TP53I3: variants seen among roughly 807,000 people sequenced by gnomAD.
TP53I3 encodes quinone oxidoreductase PIG3.
Under a neutral mutation model 27.7 loss-of-function variants are expected in TP53I3, and 32 were observed. The ratio of observed to expected loss-of-function variants is 1.16; its 90% CI spans 0.87 to 1.55. The LOEUF is 1.55. Ranked by LOEUF, TP53I3 falls within the 40% of genes most tolerant of loss-of-function variation. The pLI is 0.00. For synonymous variants in TP53I3, 138 were observed against 167.8 expected (o/e 0.82, Z 1.37); for missense variants, 372 against 412.3 (o/e 0.90, Z 0.85).
At position 24,084,441 on chromosome 2, in the gene TP53I3, C is replaced by A. The variant is rs922160777; in HGVS notation, c.-115G>T. 3 of 1,328,542 alleles carry A rather than the reference C, an allele frequency of 2.3e-6. No individual in the cohort carries two copies. Among genetic ancestry groups the A allele is most frequent in the African/African-American group, 3.0e-5 (2 of 66,078 alleles). 82.3% of individuals were successfully genotyped at this position (1,328,542 alleles called of 1,614,324 possible). ...CAGGGGCCGCTGTATCCTCGCGGAG[C>A]AGCCCAGCCTCAGGCTGGCACCGCA... is the stretch of plus-strand genomic sequence containing the variant. On this transcript the variant is annotated 5_prime_UTR_variant, in exon 1 of 5. Coordinates refer to ENST00000238721, the MANE Select transcript of TP53I3 (RefSeq NM_004881.5). This position sits in a 1 kb window ranked among gnomAD's most constrained non-coding sequence, Gnocchi z 8.4.
At chr2:24,079,726 A>G (rs1305456943) in intron 3 of TP53I3, 86 bp from the exon 4 acceptor site, 2 of 1,309,768 alleles carry the variant, frequency 1.5e-6, no homozygotes, top group Non-Finnish European at 2.1e-6. Flanking sequence ...GGATATAAAT[A>G]CAGATGCAAG....
rs1234455430 is a variant in TP53I3, at chr2:24,077,954, T to A, written c.817-193A>T. ...ATGTGCCATCTCAGAATATGTCCGA[T>A]AGGTATATTGTTAATTTTGAGGTGA... is the stretch of plus-strand genomic sequence containing the variant. On this transcript the variant is annotated intron_variant, in intron 4 of 4. Coordinates refer to ENST00000238721, the MANE Select transcript of TP53I3 (RefSeq NM_004881.5). The surrounding 1 kb of genome is among the most constrained non-coding windows in gnomAD (Gnocchi z 5.5). Among the ~76,000 whole-genome samples, 1 of 152,176 alleles carries A rather than the reference T, an allele frequency of 6.6e-6. No individual in the cohort carries two copies. The highest frequency in any genetic ancestry group is 1.9e-4 in the East Asian group (1 of 5,198).
At chr2:24,081,954 C>T (rs1195060358) in intron 2 of TP53I3, among the ~76,000 whole-genome samples, 1 of 151,784 alleles carries the variant, frequency 6.6e-6, no homozygotes, top group Non-Finnish European at 1.5e-5. Context: ...CTCAGCCGCC[C>T]AAAGTGCTGG....
In TP53I3 at chr2:24,083,118, C is replaced by A; in HGVS notation, c.173G>T (p.Ser58Ile). The change falls in exon 2 of 5, where the codon AGC becomes ATC. Residue 58 changes from serine to isoleucine, a missense_variant. Transcript: ENST00000238721. ...QGQYDPPPGASNILGLEASGH... is the reference protein window; with the variant it reads ...QGQYDPPPGAINILGLEASGH... ...AGATGCCTCAAGTCCCAAAATGTTG[C>A]TGGCTCCTGGAGGTGGGTCATACTG... 6.2e-7 allele frequency: 1 copy of A among 1,613,510 alleles called. No individual in the cohort carries two copies. The highest frequency in any genetic ancestry group is 8.5e-7 in the Non-Finnish European group (1 of 1,179,608).
At chr2:24,083,243 T>C in intron 1 of TP53I3, 91 bp from the exon 2 acceptor site, 1 of 1,472,754 alleles carries the variant, frequency 6.8e-7, no homozygotes, top group Non-Finnish European at 9.1e-7. Flanking sequence ...CCCTCTTTTT[T>C]TTTTCAAAAA....
chr2:24,083,229 G>T, intron 1 of TP53I3, 77 bp from the exon 2 acceptor site: 4 of 1,469,616 alleles, frequency 2.7e-6, no homozygotes, highest in Non-Finnish European at 3.6e-6. Context: ...CCCCTTCCAA[G>T]ATCCCCTCTT....
chr2:24,082,356 A>G (rs1364690090), intron 2 of TP53I3, among the ~76,000 whole-genome samples: 2 of 152,086 alleles, frequency 1.3e-5, no homozygotes, highest in Non-Finnish European at 2.9e-5. Flanking sequence ...AAGCCTTCCA[A>G]AAAGCCTTCT....
rs1665179666 is a variant in TP53I3, at chr2:24,084,627, G to A, written c.-301C>T. 4 of 335,026 alleles carry A rather than the reference G, an allele frequency of 1.2e-5. No individual in the cohort carries two copies. In the South Asian group the frequency reaches 2.6e-4, roughly 22 times the overall value. The allele number at this position is 335,026 out of a possible 1,614,324, so 20.8% of individuals were successfully genotyped here. ...GGGATGGCGGTACAGGGCTGGATGC[G>A]GCAGAGCAGGACAACGCCGAAGAGG... On this transcript the variant is annotated 5_prime_UTR_variant, in exon 1 of 5. Transcript: ENST00000238721. This position sits in a 1 kb window ranked among gnomAD's most constrained non-coding sequence, Gnocchi z 8.4.
chr2:24,082,807 G>A, intron 2 of TP53I3, 78 bp downstream of exon 2: 1 of 1,491,430 alleles, frequency 6.7e-7, no homozygotes, highest in Non-Finnish European at 8.9e-7. Flanking sequence ...TGCCCTGGGG[G>A]ATTGCTGGGA....
chr2:24,084,129 T>G lies in TP53I3; in HGVS notation c.138+60A>C. On this transcript the variant is annotated intron_variant, in intron 1 of 4. Coordinates refer to ENST00000238721, the MANE Select transcript of TP53I3 (RefSeq NM_004881.5). The surrounding 1 kb of genome is among the most constrained non-coding windows in gnomAD (Gnocchi z 8.4). ...TCACGTCTGGTCAATGTCCACTGAG[T>G]GCTGTTGAGAGGGAGGCTCTGGAGT... is the stretch of plus-strand genomic sequence containing the variant. 6.4e-7 allele frequency: 1 copy of G among 1,557,038 alleles called. No homozygotes were observed. The highest frequency in any genetic ancestry group is 8.6e-7 in the Non-Finnish European group (1 of 1,156,500).
chr2:24,079,291 G>T, intron 4 of TP53I3, 153 bp downstream of exon 4: 1 of 735,126 alleles, frequency 1.4e-6, no homozygotes. Flanking sequence ...TCAGTTCTCT[G>T]AAATCGGGTT....
intron 4 of TP53I3, 195 bp downstream of exon 4, chr2:24,079,249 A>G: frequency 1.7e-6 from 1 of 585,956 alleles, no homozygotes; most frequent in Non-Finnish European, 3.0e-6. Flanking sequence ...ACTTCTTTTC[A>G]TGATACTGAA....
At chr2:24,078,327 G>C (rs529100397) in intron 4 of TP53I3, among the ~76,000 whole-genome samples, 2 of 152,094 alleles carry the variant, frequency 1.3e-5, no homozygotes, top group East Asian at 3.9e-4. Context: ...CTTGAGCCTG[G>C]GAGTTTGAGA....
intron 3 of TP53I3, 41 bp from the exon 4 acceptor site, chr2:24,079,681 G>A (rs1326164396): frequency 1.3e-6 from 2 of 1,584,208 alleles, no homozygotes; most frequent in Non-Finnish European, 1.7e-6. Flanking sequence ...TCAGCTTGGT[G>A]CTAAATAAGA....
In TP53I3 at chr2:24,081,029, T is replaced by G. The variant is rs767549641; in HGVS notation, c.409A>C (p.Asn137His). 6 of 1,611,278 alleles carry G rather than the reference T, an allele frequency of 3.7e-6. No homozygotes were observed. The East Asian group carries it at 1.1e-4, about 30-fold the overall frequency. Residue 137 changes from asparagine (N) to histidine (H), a missense_variant and splice_region_variant, in exon 3 of 5, where the codon AAT becomes CAT. Coordinates refer to ENST00000238721, the MANE Select transcript of TP53I3 (RefSeq NM_004881.5). ...AGCACATAGTCTCCAGCCTGAACAT[T>G]TCCTGTGACAGAAAGTACAGGGTTC... ...TAFQLLHLVG[N>H]VQAGDYVLIH...
At chr2:24,079,668 T>C (rs1664916656) in intron 3 of TP53I3, 28 bp from the exon 4 acceptor site, 6 of 1,606,616 alleles carry the variant, frequency 3.7e-6, no homozygotes, top group Non-Finnish European at 5.1e-6. Context: ...TTTGTGATGC[T>C]AGTCAGCTTG....
rs1664915594 is a variant in TP53I3 at position 24,079,645 on chromosome 2, C to T, written c.620-5G>A. ...GAATAAGATTAACTCCAGCACCTTCCATAGGAAACAGATTTGTGATGCTAG... is the reference window on the plus strand; with the variant it reads ...GAATAAGATTAACTCCAGCACCTTCTATAGGAAACAGATTTGTGATGCTAG... On this transcript the variant is annotated splice_polypyrimidine_tract_variant and splice_region_variant and intron_variant, in intron 3 of 4. Coordinates refer to ENST00000238721, the MANE Select transcript of TP53I3 (RefSeq NM_004881.5). 6.2e-7 allele frequency: 1 copy of T among 1,612,320 alleles called. No individual in the cohort carries two copies. The highest frequency in any genetic ancestry group is 1.7e-5 in the Admixed American group (1 of 59,790).
In TP53I3 at chr2:24,084,646, G is replaced by A. The variant is rs963456635; in HGVS notation, c.-320C>T. 10 of 273,152 alleles carry A rather than the reference G, an allele frequency of 3.7e-5. No homozygotes were observed. The highest frequency in any genetic ancestry group is 1.6e-4 in the African/African-American group (7 of 45,010). 16.9% of individuals were successfully genotyped at this position (273,152 alleles called of 1,614,324 possible). ...GGATGCGGCAGAGCAGGACAACGCCGAAGAGGATCAGGCAAATCACACTCC... is the reference window on the plus strand; with the variant it reads ...GGATGCGGCAGAGCAGGACAACGCCAAAGAGGATCAGGCAAATCACACTCC... On this transcript the variant is annotated 5_prime_UTR_variant, in exon 1 of 5. Coordinates refer to ENST00000238721, the MANE Select transcript of TP53I3 (RefSeq NM_004881.5). This position sits in a 1 kb window ranked among gnomAD's most constrained non-coding sequence, Gnocchi z 8.4.
chr2:24,078,243 T>C (rs988384431), intron 4 of TP53I3, among the ~76,000 whole-genome samples: 1 of 152,106 alleles, frequency 6.6e-6, no homozygotes, highest in Non-Finnish European at 1.5e-5. Context: ...CCTAGCCAGA[T>C]TTTGTCTTAT....
Sources: allele counts gnomAD v4.1 joint callset (sites outside exome capture counted in the v4.1 genomes callset), GRCh38; gene constraint gnomAD v4.1.1; non-coding constraint Gnocchi (gnomAD v3.1); transcripts MANE v1.5; gene names NCBI Gene and HGNC (gene_info 2026-07-23, HGNC 2026-07-21).